Variants in RGL1 observed in about 807,000 individuals in gnomAD.
RGL1 encodes the protein ral guanine nucleotide dissociation stimulator-like 1.
A neutral mutation model predicts 95.2 loss-of-function variants in RGL1; 24 were observed. That is an observed-to-expected ratio of 0.25 (90% CI 0.18 to 0.35). The LOEUF (loss-of-function observed/expected upper bound fraction) is 0.35. Ranked by LOEUF, RGL1 falls within the 10% of genes least tolerant of loss-of-function variation. The probability of loss-of-function intolerance (pLI) is 1.00; values close to 1 mark genes in which losing one functional copy is unlikely to be tolerated. For synonymous variants in RGL1, 329 were observed against 344.9 expected (o/e 0.95, Z 0.51); for missense variants, 715 against 936.3 (o/e 0.76, Z 3.08).
chr1:183,692,873 T>C (rs932871524), intron 1 of RGL1, among the ~76,000 whole-genome samples: 2 of 152,172 alleles, frequency 1.3e-5, no homozygotes, highest in East Asian at 3.9e-4. Flanking sequence ...TTAAAATTCA[T>C]AGAATCATCT....
intron 2 of RGL1, among the ~76,000 whole-genome samples, chr1:183,822,711 C>G (rs1031520225): frequency 2.6e-5 from 4 of 152,220 alleles, no homozygotes; most frequent in Non-Finnish European, 2.9e-5. Flanking sequence ...TGTTTACTCA[C>G]TCACTCAAAT....
At chr1:183,647,983 A>T (rs1650428043) in intron 1 of RGL1, 1 of 1,614,208 alleles carries the variant, frequency 6.2e-7, no homozygotes. Context: ...TGTCCAGGAA[A>T]GGCATTGTTT....
In RGL1 at chr1:183,676,082, G is replaced by A. The variant is rs927012382; in HGVS notation, c.-33+39581G>A. The stretch of plus-strand genomic sequence containing the variant: ...GGATGGCTTGAGCCCAGAAGGTCAA[G>A]GTTGCAATAAGCTGTGATTGCACTG... On this transcript the variant is annotated intron_variant, in intron 1 of 18. Transcript: ENST00000304685. Among the ~76,000 whole-genome samples, 3 of 152,252 alleles carry A rather than the reference G, an allele frequency of 2.0e-5. No homozygotes were observed. The South Asian group carries it at 6.2e-4, about 32-fold the overall frequency.
At chr1:183,892,818 G>C (rs1667497147) in intron 9 of RGL1, among the ~76,000 whole-genome samples, 1 of 152,170 alleles carries the variant, frequency 6.6e-6, no homozygotes, top group Non-Finnish European at 1.5e-5. Flanking sequence ...GTCAAATAAA[G>C]ACAACTAACA....
intron 3 of RGL1, among the ~76,000 whole-genome samples, chr1:183,853,443 T>C (rs1189527693): frequency 6.6e-6 from 1 of 152,152 alleles, no homozygotes; most frequent in African/African-American, 2.4e-5. Context: ...AAGCACTGAG[T>C]AATAGTCTGA....
chr1:183,871,042 G>T (rs1666153690), intron 4 of RGL1, among the ~76,000 whole-genome samples: 1 of 152,140 alleles, frequency 6.6e-6, no homozygotes, highest in Non-Finnish European at 1.5e-5. Flanking sequence ...GTAAATGCTC[G>T]CTGAGGTCCT....
intron 1 of RGL1, among the ~76,000 whole-genome samples, chr1:183,740,914 C>T (rs563709116): frequency 3.6e-4 from 55 of 151,940 alleles, no homozygotes; most frequent in Admixed American, 6.6e-4. Context: ...GACTAGAAGG[C>T]GAAAATAGAA....
At chr1:183,877,497 T>G (rs1220212066) in intron 4 of RGL1, among the ~76,000 whole-genome samples, 3 of 152,244 alleles carry the variant, frequency 2.0e-5, no homozygotes, top group African/African-American at 7.2e-5. Context: ...CACACAAAGC[T>G]ACTGTGAGCC....
chr1:183,923,653 G>A (rs1669444667), intron 17 of RGL1, among the ~76,000 whole-genome samples: 3 of 152,114 alleles, frequency 2.0e-5, no homozygotes, highest in African/African-American at 7.2e-5. Context: ...TACCCTGCTG[G>A]TTCCTCATAT....
intron 2 of RGL1, among the ~76,000 whole-genome samples, chr1:183,764,713 A>G (rs1658876730): frequency 6.6e-6 from 1 of 152,178 alleles, no homozygotes; most frequent in African/African-American, 2.4e-5. Context: ...GAGCAGCTCC[A>G]TACCATGGGT....
chr1:183,643,270 A>T (rs112877541), intron 1 of RGL1, among the ~76,000 whole-genome samples: 1 of 74,154 alleles, frequency 1.3e-5, no homozygotes, highest in East Asian at 2.9e-4. Flanking sequence ...TTTTTTATTT[A>T]TTTATTTATT....
chr1:183,858,279 C>G (rs972059893), intron 3 of RGL1, among the ~76,000 whole-genome samples: 4 of 151,930 alleles, frequency 2.6e-5, no homozygotes, highest in African/African-American at 9.7e-5. Context: ...GATCACAAAC[C>G]CCTGTAAGAA....
At position 183,647,865 on chromosome 1, in the gene RGL1, A is replaced by G. The variant is rs772180784; in HGVS notation, c.-33+11364A>G. Reference sequence around the variant, plus strand: ...CCTGGGTTTATTTGGGTTTTGGCCCATATGCATTGGTGGTAAGTCCCTGAG... The same window carrying G: ...CCTGGGTTTATTTGGGTTTTGGCCCGTATGCATTGGTGGTAAGTCCCTGAG... On this transcript the variant is annotated intron_variant, in intron 1 of 18. Coordinates refer to the RGL1 transcript ENST00000304685. 3.1e-6 allele frequency: 5 copies of G among 1,614,126 alleles called. No individual in the cohort carries two copies. In the Admixed American group the frequency reaches 8.3e-5, roughly 27 times the overall value.
chr1:183,751,158 C>T (rs1657973963), intron 2 of RGL1, among the ~76,000 whole-genome samples: 1 of 152,194 alleles, frequency 6.6e-6, no homozygotes, highest in East Asian at 1.9e-4. Flanking sequence ...GAAGCTGCAC[C>T]CACAGCTGCC....
chr1:183,690,130 C>G (rs766322091), intron 1 of RGL1, among the ~76,000 whole-genome samples: 2 of 152,074 alleles, frequency 1.3e-5, no homozygotes, highest in South Asian at 2.1e-4. Flanking sequence ...AAGTGGCAAG[C>G]CTTGGGCTAG....
intron 2 of RGL1, among the ~76,000 whole-genome samples, chr1:183,744,314 CTTTT>C (rs67225177): frequency 1.0e-3 from 151 of 148,294 alleles, no homozygotes; most frequent in African/African-American, 3.7e-3. Flanking sequence ...GCACAACAGA[CTTTT>C]TTTTTTTTTT....
intron 1 of RGL1, among the ~76,000 whole-genome samples, chr1:183,692,995 C>T (rs2102117547): frequency 6.6e-6 from 1 of 151,142 alleles, no homozygotes; most frequent in Non-Finnish European, 1.5e-5. Flanking sequence ...CGCTCTGTCA[C>T]CCAGGCTGGA....
At chr1:183,799,035 T>C (rs1386744588) in intron 2 of RGL1, among the ~76,000 whole-genome samples, 1 of 151,992 alleles carries the variant, frequency 6.6e-6, no homozygotes, top group Non-Finnish European at 1.5e-5. Flanking sequence ...CCCAAGTAGC[T>C]GGAATTACAG....
chr1:183,771,242 A>G (rs908308293), intron 2 of RGL1, among the ~76,000 whole-genome samples: 15 of 151,780 alleles, frequency 9.9e-5, no homozygotes, highest in African/African-American at 3.6e-4. Context: ...AGACATGAAC[A>G]TTTCTTTACA....
Sources: allele counts gnomAD v4.1 joint callset (sites outside exome capture counted in the v4.1 genomes callset), GRCh38; gene constraint gnomAD v4.1.1; transcripts MANE v1.5; gene names NCBI Gene and HGNC (gene_info 2026-07-23, HGNC 2026-07-21).